MCUB: variants seen among roughly 807,000 people sequenced by gnomAD.
The protein encoded by MCUB is mitochondrial calcium uniporter dominant negative subunit beta.
MCUB carries 46 observed loss-of-function variants against 41.4 expected under a neutral mutation model. That is an observed-to-expected ratio of 1.11 (90% CI 0.88 to 1.42). The LOEUF (loss-of-function observed/expected upper bound fraction) is 1.42. Among genes scored for constraint, MCUB ranks in the 40% most tolerant of loss-of-function variants. The probability of loss-of-function intolerance (pLI) is 0.00; values close to 1 mark genes in which losing one functional copy is unlikely to be tolerated. For synonymous variants in MCUB, 148 were observed against 148.2 expected (o/e 1.00, Z 0.01); for missense variants, 403 against 404.9 (o/e 1.00, Z 0.04).
chr4:109,676,506 A>T (rs1729581124), intron 4 of MCUB, among the ~76,000 whole-genome samples: 1 of 152,196 alleles, frequency 6.6e-6, no homozygotes, highest in Non-Finnish European at 1.5e-5. Flanking sequence ...AGCCCTCACC[A>T]GAATTGCCCT....
chr4:109,643,795 C>T (rs1728772171), intron 1 of MCUB, among the ~76,000 whole-genome samples: 2 of 152,168 alleles, frequency 1.3e-5, no homozygotes, highest in Non-Finnish European at 2.9e-5. Context: ...TGAGCCACTG[C>T]ACCTGATTTT....
At chr4:109,596,945 T>C (rs940242959) in intron 1 of MCUB, among the ~76,000 whole-genome samples, 27 of 152,010 alleles carry the variant, frequency 1.8e-4, no homozygotes, top group African/African-American at 6.3e-4. Context: ...TTAACAAGCA[T>C]GCTGCCTTCA....
At chr4:109,575,877 T>C (rs1727014690) in intron 1 of MCUB, among the ~76,000 whole-genome samples, 1 of 152,232 alleles carries the variant, frequency 6.6e-6, no homozygotes, top group Non-Finnish European at 1.5e-5. Flanking sequence ...TAGTCTGTGC[T>C]AGTCACACTG....
chr4:109,617,977 A>G (rs1728167333), intron 1 of MCUB, among the ~76,000 whole-genome samples: 1 of 152,136 alleles, frequency 6.6e-6, no homozygotes, highest in South Asian at 2.1e-4. Flanking sequence ...TATTTGTAGG[A>G]GATGCCTTTG....
intron 1 of MCUB, among the ~76,000 whole-genome samples, chr4:109,588,622 A>G (rs1727363814): frequency 6.6e-6 from 1 of 152,206 alleles, no homozygotes; most frequent in African/African-American, 2.4e-5. Context: ...TCCATCTGCT[A>G]TTTTATCTCT....
intron 1 of MCUB, among the ~76,000 whole-genome samples, chr4:109,626,565 C>T (rs1728363544): frequency 1.3e-5 from 2 of 151,838 alleles, no homozygotes; most frequent in African/African-American, 2.4e-5. Context: ...GTAATCCTAG[C>T]ACTTTGGGAG....
At chr4:109,644,406 A>G (rs1299363490) in intron 1 of MCUB, among the ~76,000 whole-genome samples, 1 of 152,248 alleles carries the variant, frequency 6.6e-6, no homozygotes, top group Non-Finnish European at 1.5e-5. Flanking sequence ...GTCATAGTCA[A>G]CTAAAGGCTG....
rs554881469 is a variant in MCUB, at chr4:109,629,907, C to G, written c.100-29104C>G. Among the ~76,000 whole-genome samples the G allele has an allele frequency of 5.3e-5, 8 of 152,330 alleles. No homozygotes were observed. The East Asian group carries it at 1.4e-3, about 26-fold the overall frequency. On this transcript the variant is annotated intron_variant, in intron 1 of 7. Coordinates refer to ENST00000394650, the MANE Select transcript of MCUB (RefSeq NM_017918.5). The stretch of plus-strand genomic sequence containing the variant: ...TCAACTTAACCTTCAGCTTCTCCCC[C>G]ACTTCCTGGAGATTGGGCAGTGGGG...
intron 1 of MCUB, among the ~76,000 whole-genome samples, chr4:109,611,078 C>G (rs899601466): frequency 1.8e-4 from 27 of 150,200 alleles, no homozygotes; most frequent in African/African-American, 6.5e-4. Flanking sequence ...GAGAGAAAAA[C>G]TTTTATTCCT....
At chr4:109,604,222 C>T (rs1727817820) in intron 1 of MCUB, among the ~76,000 whole-genome samples, 1 of 151,650 alleles carries the variant, frequency 6.6e-6, no homozygotes, top group East Asian at 1.9e-4. Flanking sequence ...TCCCTAATCT[C>T]AAGTACCCAG....
Position 109,560,320 on chromosome 4 carries a change from C to G in MCUB, c.-18C>G, listed in dbSNP as rs1319660595. ...GCGCCGCTGACGCCTGCGGGAGCCG[C>G]GCGCCTGGGGCGGGAGGATGCTCCA... is the stretch of plus-strand genomic sequence containing the variant. On this transcript the variant is annotated 5_prime_UTR_variant, in exon 1 of 8. Coordinates refer to ENST00000394650, the MANE Select transcript of MCUB (RefSeq NM_017918.5). The G allele has an allele frequency of 1.6e-6, 2 of 1,220,726 alleles. No homozygotes were observed. Among genetic ancestry groups the G allele is most frequent in the Admixed American group, 4.2e-5 (1 of 23,544 alleles). 75.6% of individuals were successfully genotyped at this position (1,220,726 alleles called of 1,614,324 possible). A position where few individuals can be genotyped will look rare whatever the true frequency, so the allele number is the denominator to read the frequency against.
chr4:109,615,050 G>A (rs1254442789), intron 1 of MCUB, among the ~76,000 whole-genome samples: 1 of 152,154 alleles, frequency 6.6e-6, no homozygotes, highest in Non-Finnish European at 1.5e-5. Flanking sequence ...ATGATAATTG[G>A]TTGAAAATCT....
intron 1 of MCUB, among the ~76,000 whole-genome samples, chr4:109,598,199 C>A (rs197222): frequency 6.8e-6 from 1 of 146,418 alleles, no homozygotes; most frequent in African/African-American, 2.5e-5. Flanking sequence ...GGGTGGCGGC[C>A]GGGCAGAGGA....
intron 1 of MCUB, among the ~76,000 whole-genome samples, chr4:109,587,845 C>A (rs1003933125): frequency 6.6e-6 from 1 of 152,098 alleles, no homozygotes; most frequent in African/African-American, 2.4e-5. Flanking sequence ...ATTCAAAAGT[C>A]TTTTCTCAGA....
At chr4:109,659,534 G>C (rs1007841413) in intron 2 of MCUB, among the ~76,000 whole-genome samples, 1 of 152,062 alleles carries the variant, frequency 6.6e-6, no homozygotes, top group African/African-American at 2.4e-5. Context: ...AGGCTGCAGT[G>C]AGCCATGATC....
intron 1 of MCUB, among the ~76,000 whole-genome samples, chr4:109,606,393 T>C (rs1727871522): frequency 6.6e-6 from 1 of 152,120 alleles, no homozygotes; most frequent in Admixed American, 6.6e-5. Context: ...GCCATTTTGT[T>C]ATTTGTTTTG....
rs117629060 is a variant in MCUB, at chr4:109,563,802, C to G, written c.99+3366C>G. ...CCTGTGAAACTAAGGTAGAAAACCT[C>G]GAGCTAAAACTCCTGACCTCGTGAT... On this transcript the variant is annotated intron_variant, in intron 1 of 7. Transcript: ENST00000394650. Among the ~76,000 whole-genome samples, 135 of 152,282 alleles carry G rather than the reference C, an allele frequency of 8.9e-4. 2 individuals are homozygous for G. In the East Asian group the frequency reaches 0.023, roughly 26 times the overall value.
intron 4 of MCUB, among the ~76,000 whole-genome samples, chr4:109,679,591 C>T (rs1561251628): frequency 6.6e-6 from 1 of 152,190 alleles, no homozygotes; most frequent in Non-Finnish European, 1.5e-5. Flanking sequence ...CAGTACAGTC[C>T]AGCCTCGGCA....
chr4:109,586,483 C>T (rs1230088259), intron 1 of MCUB, among the ~76,000 whole-genome samples: 2 of 152,166 alleles, frequency 1.3e-5, no homozygotes, highest in African/African-American at 2.4e-5. Context: ...CTCCGTCCAG[C>T]TTTGTTCTGT....
Sources: gnomAD v4.1 joint callset for allele counts (sites outside exome capture counted in the v4.1 genomes callset) on GRCh38, gnomAD v4.1.1 for gene constraint, MANE v1.5 for transcripts, NCBI Gene and HGNC (gene_info 2026-07-23, HGNC 2026-07-21) for gene names.